Variants in SIPA1L3 observed in about 807,000 individuals in gnomAD.
SIPA1L3 encodes signal-induced proliferation-associated 1-like protein 3.
SIPA1L3 carries 59 observed loss-of-function variants against 150.1 expected under a neutral mutation model. The observed-to-expected ratio is 0.39, with a 90% CI of 0.32 to 0.49. The LOEUF is 0.49. Ranked by LOEUF, SIPA1L3 falls within the 20% of genes least tolerant of loss-of-function variation. The pLI is 0.86. For missense variants in SIPA1L3, 2,211 were observed against 2,489.5 expected (o/e 0.89, Z 2.38); for synonymous variants, 1,070 against 1,077.6 (o/e 0.99, Z 0.14).
Position 38,142,614 on chromosome 19 carries a change from C to T in SIPA1L3, c.3437C>T (p.Ala1146Val), listed in dbSNP as rs1971616635. ...GAAACCCCTTACACAGTATCACCAG[C>T]AGGGGCCGACAGAGTCCCTCCCTAC... ...FPETPYTVSP[A>V]GADRVPPYRQ... The change falls in exon 12 of 22, where the codon GCA (alanine) becomes GTA (valine). Residue 1146 changes from alanine (A) to valine (V), a missense_variant. By Grantham distance (64) the Ala-to-Val change is moderately conservative. Coordinates refer to ENST00000222345, the MANE Select transcript of SIPA1L3 (RefSeq NM_015073.3). The T allele has an allele frequency of 6.2e-7, 1 of 1,613,908 alleles. No individual in the cohort carries two copies. Among genetic ancestry groups the T allele is most frequent in the Admixed American group, 1.7e-5 (1 of 59,990 alleles).
intron 1 of SIPA1L3, among the ~76,000 whole-genome samples, chr19:37,988,595 G>A (rs1394553239): frequency 6.6e-6 from 1 of 152,122 alleles, no homozygotes; most frequent in African/African-American, 2.4e-5. Context: ...AGAATCGCTT[G>A]AACCCAGGAG....
intron 18 of SIPA1L3, among the ~76,000 whole-genome samples, chr19:38,197,032 G>A (rs1223128639): frequency 6.6e-6 from 1 of 152,190 alleles, no homozygotes; most frequent in Non-Finnish European, 1.5e-5. Context: ...AGTCAGCACT[G>A]AGTAGTACTA....
At chr19:38,162,188 C>G (rs1972103802) in intron 13 of SIPA1L3, 65 bp from the exon 14 acceptor site, 1 of 1,296,770 alleles carries the variant, frequency 7.7e-7, no homozygotes, top group Non-Finnish European at 1.1e-6. Flanking sequence ...GGCAAAGGGT[C>G]CAGATTCTTC....
At chr19:38,119,943 T>C in intron 9 of SIPA1L3, 61 bp downstream of exon 9, 1 of 1,194,768 alleles carries the variant, frequency 8.4e-7, no homozygotes, top group African/African-American at 1.5e-5. Flanking sequence ...CAGGAACCAC[T>C]GAAATACTTC....
At chr19:38,163,777 C>G (rs563197228) in intron 14 of SIPA1L3, among the ~76,000 whole-genome samples, 1 of 152,130 alleles carries the variant, frequency 6.6e-6, no homozygotes, top group African/African-American at 2.4e-5. Context: ...AGTTGGAGAC[C>G]GGGACCCAAG....
chr19:38,015,956 G>A (rs917511794), intron 1 of SIPA1L3, among the ~76,000 whole-genome samples: 4 of 152,028 alleles, frequency 2.6e-5, no homozygotes, highest in South Asian at 2.1e-4. Context: ...TCGTTGGTCC[G>A]CCGGAATCTG....
chr19:38,070,986 T>A (rs1350706709), intron 2 of SIPA1L3, among the ~76,000 whole-genome samples: 1 of 152,086 alleles, frequency 6.6e-6, no homozygotes, highest in Non-Finnish European at 1.5e-5. Context: ...CCTCTACCTC[T>A]AAGCAAAGGC....
At chr19:38,044,416 C>T (rs941172361) in intron 2 of SIPA1L3, among the ~76,000 whole-genome samples, 2 of 151,912 alleles carry the variant, frequency 1.3e-5, no homozygotes, top group African/African-American at 2.4e-5. Context: ...GGAGAGACGG[C>T]GAGGAATCAG....
chr19:37,921,603 CT>C (rs143004129), intron 1 of SIPA1L3, among the ~76,000 whole-genome samples: 3,112 of 141,912 alleles, frequency 0.022, 33 homozygotes, highest in Middle Eastern at 0.051. Context: ...CTTTTTCTTT[CT>C]TTTTTTTTTT....
Position 38,198,444 on chromosome 19 carries a change from G to T in SIPA1L3, c.4896G>T (p.Arg1632=). 6.2e-7 allele frequency: 1 copy of T among 1,604,072 alleles called. No individual in the cohort carries two copies. Among genetic ancestry groups the T allele is most frequent in the Non-Finnish European group, 8.5e-7 (1 of 1,176,104 alleles). ...CTGATGGGCGGGACCGCCCCCTGCG[G>T]CGCCTGGACCCTGGGCTGATGCCCC... ...SLADGRDRPL[R]RLDPGLMPLP... is the part of the protein sequence containing the mutation. Residue 1632 remains arginine (R), a synonymous_variant, in exon 19 of 22, where the codon CGG becomes CGT. Transcript: ENST00000222345.
chr19:38,178,995 C>CT (rs1339020676), intron 15 of SIPA1L3, among the ~76,000 whole-genome samples: 2 of 152,220 alleles, frequency 1.3e-5, no homozygotes, highest in Admixed American at 6.5e-5. Context: ...CAATCCCTGC[C>CT]TTTTGATGGG....
intron 1 of SIPA1L3, among the ~76,000 whole-genome samples, chr19:37,936,301 A>G (rs2046599693): frequency 6.6e-6 from 1 of 152,210 alleles, no homozygotes; most frequent in Non-Finnish European, 1.5e-5. Flanking sequence ...CATGTTGGGC[A>G]TTCACCTGCC....
At chr19:37,924,205 G>C (rs1441555779) in intron 1 of SIPA1L3, among the ~76,000 whole-genome samples, 1 of 149,940 alleles carries the variant, frequency 6.7e-6, no homozygotes, top group Non-Finnish European at 1.5e-5. Context: ...TTATTTTTTT[G>C]CTTTCTGAGC....
chr19:38,080,524 G>A (rs956770938), intron 2 of SIPA1L3, among the ~76,000 whole-genome samples: 4 of 152,146 alleles, frequency 2.6e-5, no homozygotes, highest in Admixed American at 6.5e-5. Flanking sequence ...AGACACCTGC[G>A]AGACAATGAT....
At chr19:38,001,000 T>C (rs754056045) in intron 1 of SIPA1L3, among the ~76,000 whole-genome samples, 3 of 147,954 alleles carry the variant, frequency 2.0e-5, no homozygotes, top group Non-Finnish European at 4.5e-5. Flanking sequence ...ATATAACACA[T>C]CAATCATATA....
intron 2 of SIPA1L3, among the ~76,000 whole-genome samples, chr19:38,060,995 A>C (rs1016443644): frequency 6.6e-6 from 1 of 150,914 alleles, no homozygotes; most frequent in Non-Finnish European, 1.5e-5. Flanking sequence ...CCCAGCCTTA[A>C]GTACTAACTT....
chr19:38,131,323 G>C (rs921952139), intron 10 of SIPA1L3, among the ~76,000 whole-genome samples: 13 of 152,190 alleles, frequency 8.5e-5, no homozygotes, highest in African/African-American at 3.1e-4. Flanking sequence ...CTTACAAGGC[G>C]GGCAGAGAAG....
Position 38,142,593 on chromosome 19 carries a change from CCCCTTA to C in SIPA1L3, c.3418_3423del (p.Pro1140_Tyr1141del). The stretch of plus-strand genomic sequence containing the variant: ...TCTAGGCCTGTCAGCTTCCCAGAAA[CCCCTTA>C]CACAGTATCACCAGCAGGGGCCGAC... On this transcript the variant is annotated inframe_deletion, in exon 12 of 22. Coordinates refer to ENST00000222345, the MANE Select transcript of SIPA1L3 (RefSeq NM_015073.3). 1 of 1,612,550 alleles carries C rather than the reference CCCCTTA, an allele frequency of 6.2e-7. No homozygotes were observed. The highest frequency in any genetic ancestry group is 8.5e-7 in the Non-Finnish European group (1 of 1,179,094).
chr19:38,206,543 T>C lies in SIPA1L3; in HGVS notation c.*303T>C, dbSNP rs370104045. The C allele has an allele frequency of 7.4e-6, 2 of 269,230 alleles. No homozygotes were observed. The highest frequency in any genetic ancestry group is 7.0e-5 in the East Asian group (1 of 14,200). 16.7% of individuals were successfully genotyped at this position (269,230 alleles called of 1,614,324 possible). A position where few individuals can be genotyped will look rare whatever the true frequency, so the allele number is the denominator to read the frequency against. Reference sequence around the variant, plus strand: ...TGCCCCGCTGTCCCCATCTAGCCTCTTCCTGGGACCAGCCCTTCGAAGCTG... The same window carrying C: ...TGCCCCGCTGTCCCCATCTAGCCTCCTCCTGGGACCAGCCCTTCGAAGCTG... On this transcript the variant is annotated 3_prime_UTR_variant, in exon 22 of 22. Coordinates refer to ENST00000222345, the MANE Select transcript of SIPA1L3 (RefSeq NM_015073.3).
Sources: gnomAD v4.1 joint callset for allele counts (sites outside exome capture counted in the v4.1 genomes callset) on GRCh38, gnomAD v4.1.1 for gene constraint, MANE v1.5 for transcripts, NCBI Gene and HGNC (gene_info 2026-07-23, HGNC 2026-07-21) for gene names.